Variants in OTUD7A observed in about 807,000 individuals in gnomAD.
OTUD7A encodes OTU domain-containing protein 7A.
A neutral mutation model predicts 65.7 loss-of-function variants in OTUD7A; 12 were observed. The ratio of observed to expected loss-of-function variants is 0.18; its 90% CI spans 0.12 to 0.30. The LOEUF is 0.30. Among genes scored for constraint, OTUD7A ranks in the 10% least tolerant of loss-of-function variants. The pLI is 1.00. For synonymous variants in OTUD7A, 641 were observed against 586.3 expected (o/e 1.09, Z -1.35); for missense variants, 1,148 against 1,304.8 (o/e 0.88, Z 1.85).
At chr15:31,519,549 T>C (rs2041910781) in intron 8 of OTUD7A, among the ~76,000 whole-genome samples, 1 of 152,144 alleles carries the variant, frequency 6.6e-6, no homozygotes, top group African/African-American at 2.4e-5. Flanking sequence ...ACAGCATACT[T>C]AATGGGGAAA....
intron 3 of OTUD7A, among the ~76,000 whole-genome samples, chr15:31,602,566 C>T (rs1208113185): frequency 3.3e-5 from 5 of 152,146 alleles, no homozygotes; most frequent in African/African-American, 1.2e-4. Flanking sequence ...GCCCTCTTCA[C>T]CATTCCTATT....
At chr15:31,617,823 C>G (rs1890640440) in intron 3 of OTUD7A, among the ~76,000 whole-genome samples, 4 of 151,918 alleles carry the variant, frequency 2.6e-5, no homozygotes, top group Admixed American at 2.6e-4. Context: ...TACATGTGCA[C>G]AACATGCAGG....
intron 1 of OTUD7A, among the ~76,000 whole-genome samples, chr15:31,678,174 T>C (rs1263408558): frequency 2.6e-5 from 4 of 152,218 alleles, no homozygotes; most frequent in Admixed American, 2.0e-4. Context: ...GCAAAGTGTT[T>C]AAGAGATGAC....
At chr15:31,630,597 T>C (rs1342522609) in intron 3 of OTUD7A, among the ~76,000 whole-genome samples, 99 of 151,928 alleles carry the variant, frequency 6.5e-4, no homozygotes, top group Non-Finnish European at 1.3e-3. Context: ...TAGATGTCTA[T>C]TAGGTCTGCC....
intron 1 of OTUD7A, among the ~76,000 whole-genome samples, chr15:31,734,540 C>A (rs1225004477): frequency 6.6e-6 from 1 of 152,186 alleles, no homozygotes; most frequent in African/African-American, 2.4e-5. Context: ...CAGCATGGTA[C>A]TGGTACAAAA....
In OTUD7A at chr15:31,620,604, G is replaced by A. The variant is rs1178486525; in HGVS notation, c.151+34492C>T. On this transcript the variant is annotated intron_variant, in intron 3 of 12. Coordinates refer to ENST00000307050, the MANE Select transcript of OTUD7A (RefSeq NM_001382637.1). Reference sequence around the variant, plus strand: ...TGGTAGTTTGTATTTCTGTGGGATCGGTGGTGATATCCCCTTTATCATTTT... The same window carrying A: ...TGGTAGTTTGTATTTCTGTGGGATCAGTGGTGATATCCCCTTTATCATTTT... Among the ~76,000 whole-genome samples the A allele has an allele frequency of 4.2e-3, 617 of 146,012 alleles. 3 individuals carry two copies. The highest frequency in any genetic ancestry group is 0.013 in the Admixed American group (195 of 14,746).
At chr15:31,521,132 C>T (rs778362330) in intron 8 of OTUD7A, among the ~76,000 whole-genome samples, 4 of 152,214 alleles carry the variant, frequency 2.6e-5, no homozygotes, top group Non-Finnish European at 5.9e-5. Flanking sequence ...TATGACAGGC[C>T]GGAGGGTTCG....
intron 1 of OTUD7A, among the ~76,000 whole-genome samples, chr15:31,779,620 G>A (rs1440320328): frequency 2.0e-5 from 3 of 152,158 alleles, no homozygotes; most frequent in Non-Finnish European, 2.9e-5. Context: ...CTCAGAGCCT[G>A]GGAAAGGATC....
intron 1 of OTUD7A, among the ~76,000 whole-genome samples, chr15:31,754,175 T>C (rs577533346): frequency 7.4e-4 from 112 of 152,298 alleles, no homozygotes; most frequent in African/African-American, 2.4e-3. Flanking sequence ...CTTTTGAGAA[T>C]TGTCTATACA....
intron 1 of OTUD7A, among the ~76,000 whole-genome samples, chr15:31,729,096 T>C (rs1893971688): frequency 6.6e-6 from 1 of 152,190 alleles, no homozygotes; most frequent in African/African-American, 2.4e-5. Context: ...TTCTAAATTA[T>C]TGTTGTTAAT....
rs545097144 is a variant in OTUD7A at position 31,632,135 on chromosome 15, G to C, written c.151+22961C>G. Among the ~76,000 whole-genome samples, 12 of 152,306 alleles carry C rather than the reference G, an allele frequency of 7.9e-5. No homozygotes were observed. The South Asian group carries it at 2.5e-3, about 32-fold the overall frequency. On this transcript the variant is annotated intron_variant, in intron 3 of 12. Transcript: ENST00000307050. Reference sequence around the variant, plus strand: ...AGCTTTGTTCCGTTGCTGGTGAGAAGGTGCGTTCCTTTGGAGGAGGAGAGG... The same window carrying C: ...AGCTTTGTTCCGTTGCTGGTGAGAACGTGCGTTCCTTTGGAGGAGGAGAGG...
At chr15:31,819,441 G>A (rs558057719) in intron 1 of OTUD7A, among the ~76,000 whole-genome samples, 53 of 152,276 alleles carry the variant, frequency 3.5e-4, no homozygotes, top group African/African-American at 1.2e-3. Context: ...ATGTAGACCT[G>A]CATTTATTAA....
chr15:31,543,310 T>G (rs896978311), intron 5 of OTUD7A, among the ~76,000 whole-genome samples: 1 of 151,844 alleles, frequency 6.6e-6, no homozygotes, highest in Admixed American at 6.6e-5. Flanking sequence ...ACTTCAAAAC[T>G]TGTAGAATTT....
intron 1 of OTUD7A, among the ~76,000 whole-genome samples, chr15:31,815,214 C>G (rs534762155): frequency 2.0e-5 from 3 of 152,302 alleles, no homozygotes; most frequent in African/African-American, 7.2e-5. Context: ...CCTGCCAGGA[C>G]GTTTGTGCTG....
chr15:31,589,343 A>G (rs1234040026), intron 3 of OTUD7A, among the ~76,000 whole-genome samples: 1 of 150,444 alleles, frequency 6.6e-6, no homozygotes, highest in Non-Finnish European at 1.5e-5. Flanking sequence ...TCTGTCACAC[A>G]GGCTGGCGTG....
chr15:31,703,023 G>T (rs1056118424), intron 1 of OTUD7A, among the ~76,000 whole-genome samples: 3 of 151,698 alleles, frequency 2.0e-5, no homozygotes, highest in Admixed American at 2.0e-4. Flanking sequence ...GACAGGCATA[G>T]GCACAAAAAA....
chr15:31,571,050 A>C (rs1889039555), intron 3 of OTUD7A, among the ~76,000 whole-genome samples: 1 of 152,184 alleles, frequency 6.6e-6, no homozygotes, highest in South Asian at 2.1e-4. Context: ...TCCCAACACA[A>C]AAGAAATGAT....
At position 31,627,631 on chromosome 15, in the gene OTUD7A, A is replaced by G. The variant is rs569539392; in HGVS notation, c.151+27465T>C. 6.6e-5 allele frequency among the ~76,000 whole-genome samples: 10 copies of G among 152,050 alleles called. 1 individual carries two copies. Among genetic ancestry groups the G allele is most frequent in the Admixed American group, 2.0e-4 (3 of 15,264 alleles). On this transcript the variant is annotated intron_variant, in intron 3 of 12. Transcript: ENST00000307050. The stretch of plus-strand genomic sequence containing the variant: ...AGTAATGGGATGGCTGGGTCAAATG[A>G]TATTTCTAGTTCTAGATCCCTGAGG...
intron 3 of OTUD7A, among the ~76,000 whole-genome samples, chr15:31,633,246 G>A (rs977297545): frequency 3.3e-5 from 5 of 152,112 alleles, no homozygotes; most frequent in African/African-American, 4.8e-5. Context: ...AGAGCTGTTC[G>A]TATTTGGCCA....
Sources: allele counts gnomAD v4.1 joint callset (sites outside exome capture counted in the v4.1 genomes callset), GRCh38; gene constraint gnomAD v4.1.1; transcripts MANE v1.5; gene names NCBI Gene and HGNC (gene_info 2026-07-23, HGNC 2026-07-21).